PDK1: variants seen among roughly 807,000 people sequenced by gnomAD.
PDK1 encodes pyruvate dehydrogenase kinase 1, also known as [Pyruvate dehydrogenase (acetyl-transferring)] kinase isozyme 1, mitochondrial.
In PDK1, 39 loss-of-function variants were observed where a neutral mutation model predicts 54.2. That is an observed-to-expected ratio of 0.72 (90% CI 0.56 to 0.94). The LOEUF is 0.94. Among genes scored for constraint, PDK1 ranks in the 40% least tolerant of loss-of-function variants. PDK1 has a pLI of 0.00. For synonymous variants in PDK1, 221 were observed against 207.1 expected, an observed-to-expected ratio of 1.07 and a Z score of -0.58; for missense variants, 552 against 566.0, an observed-to-expected ratio of 0.98 and a Z score of 0.25.
the PDK1 span, among the ~76,000 whole-genome samples, chr2:172,614,819 G>A: frequency 6.6e-6 from 1 of 152,160 alleles, no homozygotes; most frequent in Non-Finnish European, 1.5e-5. Context: ...TGACACCCCA[G>A]AGATCCTGTA....
At chr2:172,643,382 A>G in the PDK1 span, among the ~76,000 whole-genome samples, 1 of 152,120 alleles carries the variant, frequency 6.6e-6, no homozygotes, top group Non-Finnish European at 1.5e-5. Flanking sequence ...GGAAGAGCAT[A>G]CTCACCATCA....
the PDK1 span, among the ~76,000 whole-genome samples, chr2:172,652,784 A>T: frequency 5.9e-4 from 90 of 152,340 alleles, no homozygotes; most frequent in African/African-American, 2.2e-3. Flanking sequence ...GACCTCTTCA[A>T]GGAGAACTAC....
chr2:172,590,217 T>A (rs551217777), intron 9 of PDK1, among the ~76,000 whole-genome samples: 2 of 152,358 alleles, frequency 1.3e-5, no homozygotes, highest in South Asian at 4.1e-4. Context: ...AGCCATTTTC[T>A]ACTCTTGCTC....
chr2:172,667,210 G>A, the PDK1 span, among the ~76,000 whole-genome samples: 9 of 152,200 alleles, frequency 5.9e-5, no homozygotes, highest in East Asian at 1.7e-3. Flanking sequence ...GACCTCTAGG[G>A]AAGTAGGACT....
intron 8 of PDK1, among the ~76,000 whole-genome samples, chr2:172,571,823 CTTTT>C (rs36031428): frequency 5.0e-5 from 5 of 99,796 alleles, no homozygotes; most frequent in South Asian, 3.6e-4. Flanking sequence ...TCTTTCTTTA[CTTTT>C]TTTTTTTTTT....
the PDK1 span, among the ~76,000 whole-genome samples, chr2:172,660,245 CTCTTTTTTTTTTT>C: frequency 3.6e-5 from 2 of 55,630 alleles, no homozygotes; most frequent in African/African-American, 1.4e-4. Context: ...CTCTCTCTCT[CTCTTTTTTTTTTT>C]TTTTTTTTTT....
At chr2:172,629,290 G>A in the PDK1 span, among the ~76,000 whole-genome samples, 8 of 152,278 alleles carry the variant, frequency 5.3e-5, no homozygotes, top group East Asian at 5.8e-4. Context: ...TTTCCTGCCC[G>A]AATGTTGCCT....
chr2:172,595,928 A>G lies in PDK1; in HGVS notation c.1270A>G (p.Ser424Gly). 2 of 1,613,830 alleles carry G rather than the reference A, an allele frequency of 1.2e-6. No individual in the cohort carries two copies. The highest frequency in any genetic ancestry group is 1.7e-6 in the Non-Finnish European group (2 of 1,179,822). ...CGAGGCTGATGACTGGTGCGTCCCC[A>G]GCAGAGAACCCAAAGACATGACGAC... ...NHEADDWCVP[S>G]REPKDMTTFR... The change falls in exon 11 of 11, where the codon AGC becomes GGC. Residue 424 changes from serine (S) to glycine (G), a missense_variant. Coordinates refer to ENST00000282077, the MANE Select transcript of PDK1 (RefSeq NM_002610.5).
At chr2:172,615,494 G>A in the PDK1 span, among the ~76,000 whole-genome samples, 3 of 152,006 alleles carry the variant, frequency 2.0e-5, no homozygotes, top group African/African-American at 2.4e-5. Flanking sequence ...GTGGTGGTGC[G>A]TGCCTGTAAT....
chr2:172,690,643 C>T, the PDK1 span, among the ~76,000 whole-genome samples: 1 of 150,162 alleles, frequency 6.7e-6, no homozygotes, highest in Non-Finnish European at 1.5e-5. Context: ...AAATGTGGCA[C>T]ATATACACCA....
intron 10 of PDK1, 75 bp from the exon 11 acceptor site, chr2:172,595,754 G>A (rs1690854379): frequency 8.2e-7 from 1 of 1,215,168 alleles, no homozygotes; most frequent in Non-Finnish European, 1.2e-6. Flanking sequence ...TAACCTTTTT[G>A]CCATTGTCTA....
the PDK1 span, among the ~76,000 whole-genome samples, chr2:172,685,491 C>A: frequency 6.6e-6 from 1 of 152,212 alleles, no homozygotes. Context: ...GACTAAGACA[C>A]AGCCTCACTT....
At chr2:172,705,401 C>T in the PDK1 span, among the ~76,000 whole-genome samples, 1 of 152,200 alleles carries the variant, frequency 6.6e-6, no homozygotes, top group African/African-American at 2.4e-5. Context: ...TTTAAGTCTA[C>T]GCAAATCTCT....
In PDK1 at chr2:172,601,817, A is replaced by T. The variant is rs1691125812; in HGVS notation, c.*5848A>T. ...CAGATAAACCTCCAGTCAGGAAAGG[A>T]AAAGGCCCAAATAAACAGTATTTAG... is the stretch of plus-strand genomic sequence containing the variant. On this transcript the variant is annotated 3_prime_UTR_variant, in exon 11 of 11. Coordinates refer to ENST00000282077, the MANE Select transcript of PDK1 (RefSeq NM_002610.5). 6.6e-6 allele frequency: 1 copy of T among 152,154 alleles called. No homozygotes were observed. Among genetic ancestry groups the T allele is most frequent in the Non-Finnish European group, 1.5e-5 (1 of 68,028 alleles). 9.4% of individuals were successfully genotyped at this position (152,154 alleles called of 1,614,324 possible).
chr2:172,583,225 ATTACT>A (rs200616693), intron 8 of PDK1, among the ~76,000 whole-genome samples: 2,325 of 149,628 alleles, frequency 0.016, 25 homozygotes, highest in South Asian at 0.048. Flanking sequence ...ACTAAAATAA[ATTACT>A]TTACAGGGCC....
the PDK1 span, among the ~76,000 whole-genome samples, chr2:172,683,998 A>G: frequency 6.6e-6 from 1 of 152,266 alleles, no homozygotes; most frequent in Non-Finnish European, 1.5e-5. Context: ...AGGGCCAGGA[A>G]AGAGATTTTT....
At chr2:172,558,489 G>A in intron 1 of PDK1, among the ~76,000 whole-genome samples, 1 of 152,220 alleles carries the variant, frequency 6.6e-6, no homozygotes. Context: ...AGAGCCATTG[G>A]AATGTCAGTA....
downstream of PDK1, among the ~76,000 whole-genome samples, chr2:172,610,980 A>G (rs181169162): frequency 7.7e-4 from 118 of 152,374 alleles, no homozygotes; most frequent in Non-Finnish European, 3.2e-4. Flanking sequence ...GCAAACGTGT[A>G]TCTAAAGTGT....
At chr2:172,707,070 G>C in the PDK1 span, among the ~76,000 whole-genome samples, 55 of 152,244 alleles carry the variant, frequency 3.6e-4, 1 homozygote, top group Middle Eastern at 6.8e-3. Flanking sequence ...CTGGGCACGG[G>C]CAGAAGTTCT....
Sources: gnomAD v4.1 joint callset for allele counts (sites outside exome capture counted in the v4.1 genomes callset) on GRCh38, gnomAD v4.1.1 for gene constraint, MANE v1.5 for transcripts, NCBI Gene and HGNC (gene_info 2026-07-23, HGNC 2026-07-21) for gene names.